Variants in SPINK6 observed in about 807,000 individuals in gnomAD.
SPINK6 encodes serine peptidase inhibitor Kazal type 6.
SPINK6 carries 13 observed loss-of-function variants against 11.7 expected under a neutral mutation model. The ratio of observed to expected loss-of-function variants is 1.11; its 90% confidence interval spans 0.72 to 1.76. SPINK6 has a LOEUF of 1.76. SPINK6 is among the 40% of genes most tolerant of loss of function. The probability of loss-of-function intolerance (pLI) is 0.00; values close to 1 mark genes in which losing one functional copy is unlikely to be tolerated. For missense variants in SPINK6, 98 were observed against 93.7 expected, an observed-to-expected ratio of 1.05 and a Z score of -0.19; for synonymous variants, 21 against 31.9, an observed-to-expected ratio of 0.66 and a Z score of 1.15.
chr5:148,214,801 T>A, intron 3 of SPINK6, 104 bp from the exon 4 acceptor site: 2 of 854,100 alleles, frequency 2.3e-6, no homozygotes, highest in Non-Finnish European at 3.7e-6. Context: ...ATTTATAGAA[T>A]CAAATAATTA....
chr5:148,209,994 A>G (rs1366671385), intron 2 of SPINK6, among the ~76,000 whole-genome samples: 25 of 143,728 alleles, frequency 1.7e-4, no homozygotes, highest in African/African-American at 6.7e-4. Flanking sequence ...GTATACATAT[A>G]CACGTATGTA....
chr5:148,207,102 G>T (rs58948001), intron 2 of SPINK6, among the ~76,000 whole-genome samples: 1 of 151,754 alleles, frequency 6.6e-6, no homozygotes, highest in Non-Finnish European at 1.5e-5. Flanking sequence ...TGTTGGCATT[G>T]TCATATGAAA....
At position 148,210,002 on chromosome 5, in the gene SPINK6, G is replaced by GTATGTATA. The variant is rs1755556584; in HGVS notation, c.82-3905_82-3904insGTATATAT. Among the ~76,000 whole-genome samples, 2 of 149,282 alleles carry GTATGTATA rather than the reference G, an allele frequency of 1.3e-5. 1 individual carries two copies. Among genetic ancestry groups the GTATGTATA allele is most frequent in the Non-Finnish European group, 3.0e-5 (2 of 66,678 alleles). On this transcript the variant is annotated intron_variant, in intron 2 of 3. Transcript: ENST00000325630. Reference sequence around the variant, plus strand: ...TATGTATGTATACATATACACGTATGTATACATGTATGTACGCATGTACGC... The same window carrying GTATGTATA: ...TATGTATGTATACATATACACGTATGTATGTATATATACATGTATGTACGCATGTACGC...
chr5:148,207,826 A>G (rs1040714350), intron 2 of SPINK6, among the ~76,000 whole-genome samples: 1 of 151,942 alleles, frequency 6.6e-6, no homozygotes, highest in Non-Finnish European at 1.5e-5. Flanking sequence ...AAATTTTACT[A>G]CTTACTGATT....
chr5:148,210,696 G>A (rs899486236), intron 2 of SPINK6, among the ~76,000 whole-genome samples: 1 of 151,972 alleles, frequency 6.6e-6, no homozygotes, highest in East Asian at 1.9e-4. Flanking sequence ...AGAAACAGAC[G>A]ACCAGAGAAC....
chr5:148,205,156 T>C (rs1164407201), intron 1 of SPINK6, among the ~76,000 whole-genome samples: 1 of 152,160 alleles, frequency 6.6e-6, no homozygotes, highest in Admixed American at 6.6e-5. Flanking sequence ...CTTTAAGGAA[T>C]TTCCGGTTGT....
chr5:148,210,125 CATTTATTTCTGCATACAT>C (rs1755565314), intron 2 of SPINK6, among the ~76,000 whole-genome samples: 1 of 148,974 alleles, frequency 6.7e-6, no homozygotes, highest in Non-Finnish European at 1.5e-5. Context: ...TGTATGTTTA[CATTTATTTCTGCATACAT>C]ATGTATGTAT....
chr5:148,212,591 T>TATATA (rs1561733709), intron 2 of SPINK6, among the ~76,000 whole-genome samples: 267 of 106,806 alleles, frequency 2.5e-3, no homozygotes, highest in African/African-American at 9.6e-3. Context: ...ATAAATATAT[T>TATATA]TTATATAATA....
intron 2 of SPINK6, among the ~76,000 whole-genome samples, chr5:148,212,663 T>TA (rs1444545007): frequency 1.3e-3 from 139 of 104,450 alleles, no homozygotes; most frequent in African/African-American, 2.0e-3. Flanking sequence ...TATATTTATA[T>TA]ATTTATATAA....
intron 2 of SPINK6, among the ~76,000 whole-genome samples, chr5:148,207,656 C>A (rs1222978703): frequency 1.3e-5 from 2 of 152,118 alleles, no homozygotes; most frequent in Non-Finnish European, 1.5e-5. Flanking sequence ...CATGGTGAAA[C>A]CCCATCTCTA....
chr5:148,211,394 A>G (rs1435824390), intron 2 of SPINK6, among the ~76,000 whole-genome samples: 1 of 152,194 alleles, frequency 6.6e-6, no homozygotes, highest in Non-Finnish European at 1.5e-5. Context: ...ATGATTTTCT[A>G]TGAGTTACAG....
chr5:148,214,118 A>G, intron 3 of SPINK6, 93 bp downstream of exon 3: 4 of 672,204 alleles, frequency 6.0e-6, no homozygotes, highest in Admixed American at 2.8e-5. Context: ...GAAAACACCC[A>G]TACCTCCCCA....
Position 148,210,007 on chromosome 5 carries a change from C to CATAAACACGTACGTATGT in SPINK6, c.82-3901_82-3900insAAACACGTACGTATGTAT, listed in dbSNP as rs1554112271. Among the ~76,000 whole-genome samples, 3 of 105,730 alleles carry CATAAACACGTACGTATGT rather than the reference C, an allele frequency of 2.8e-5. 1 individual carries two copies. Among genetic ancestry groups the CATAAACACGTACGTATGT allele is most frequent in the Admixed American group, 8.4e-5 (1 of 11,906 alleles). The allele number at this position is 105,730 out of a possible 152,430, so 69.4% of individuals were successfully genotyped here. ...ATGTATACATATACACGTATGTATACATGTATGTACGCATGTACGCATGCA... is the reference window on the plus strand; with the variant it reads ...ATGTATACATATACACGTATGTATACATAAACACGTACGTATGTATGTATGTACGCATGTACGCATGCA... On this transcript the variant is annotated intron_variant, in intron 2 of 3. Coordinates refer to ENST00000325630, the MANE Select transcript of SPINK6 (RefSeq NM_205841.4).
At chr5:148,212,592 TTA>T (rs1656703143) in intron 2 of SPINK6, among the ~76,000 whole-genome samples, 2 of 105,806 alleles carry the variant, frequency 1.9e-5, no homozygotes, top group South Asian at 2.4e-4. Context: ...TAAATATATT[TTA>T]TATAATATAT....
intron 2 of SPINK6, among the ~76,000 whole-genome samples, chr5:148,210,165 T>C (rs1581142185): frequency 7.4e-5 from 1 of 13,492 alleles, no homozygotes; most frequent in Non-Finnish European, 6.1e-4. Flanking sequence ...TCTGCATGCA[T>C]ATGTATTTCT....
rs376189530 is a variant in SPINK6, at chr5:148,211,698, T to C, written c.82-2212T>C. On this transcript the variant is annotated intron_variant, in intron 2 of 3. Transcript: ENST00000325630. ...GATTCTCAGCTTACTTCAGAGATCA[T>C]TGAAGGCCACTAAAATTTAAGAGTA... Among the ~76,000 whole-genome samples, 18 of 152,296 alleles carry C rather than the reference T, an allele frequency of 1.2e-4. No individual in the cohort carries two copies. In the East Asian group the frequency reaches 1.9e-3, roughly 16 times the overall value.
intron 1 of SPINK6, among the ~76,000 whole-genome samples, chr5:148,204,564 C>T (rs550333248): frequency 3.3e-5 from 5 of 150,750 alleles, no homozygotes; most frequent in African/African-American, 1.2e-4. Context: ...AGCCCTGGCA[C>T]TTTCATTTTA....
chr5:148,211,948 G>A (rs760754806), intron 2 of SPINK6, among the ~76,000 whole-genome samples: 1 of 152,102 alleles, frequency 6.6e-6, no homozygotes, highest in South Asian at 2.1e-4. Flanking sequence ...TTTAGACAGA[G>A]AGAAAGCAAG....
At chr5:148,212,665 T>C (rs1304256171) in intron 2 of SPINK6, among the ~76,000 whole-genome samples, 1 of 109,132 alleles carries the variant, frequency 9.2e-6, no homozygotes, top group Non-Finnish European at 1.7e-5. Flanking sequence ...TATTTATATA[T>C]TTATATAATA....
Sources: allele counts gnomAD v4.1 joint callset (sites outside exome capture counted in the v4.1 genomes callset), GRCh38; gene constraint gnomAD v4.1.1; transcripts MANE v1.5; gene names NCBI Gene and HGNC (gene_info 2026-07-23, HGNC 2026-07-21).